CACNG2: variants seen among roughly 807,000 people sequenced by gnomAD.
CACNG2 encodes voltage-dependent calcium channel gamma-2 subunit.
A neutral mutation model predicts 25.9 loss-of-function variants in CACNG2; 3 were observed. The ratio of observed to expected loss-of-function variants is 0.12; its 90% confidence interval spans 0.05 to 0.30. The LOEUF is 0.30. CACNG2 is among the 10% of genes least tolerant of loss of function. CACNG2 has a pLI of 1.00. For synonymous variants in CACNG2, 167 were observed against 173.3 expected, an observed-to-expected ratio of 0.96 and a Z score of 0.29; for missense variants, 341 against 432.5, an observed-to-expected ratio of 0.79 and a Z score of 1.88.
intron 1 of CACNG2, among the ~76,000 whole-genome samples, chr22:36,650,396 G>C (rs1936591987): frequency 2.0e-5 from 3 of 151,926 alleles, no homozygotes; most frequent in Admixed American, 2.0e-4. Flanking sequence ...CTTGAGACGG[G>C]GTCTTGCTCT....
intron 1 of CACNG2, among the ~76,000 whole-genome samples, chr22:36,636,489 C>A (rs1182946919): frequency 6.6e-6 from 1 of 152,154 alleles, no homozygotes; most frequent in Non-Finnish European, 1.5e-5. Context: ...GATGGTGAGG[C>A]AACAGATGTT....
chr22:36,696,210 C>G (rs1420261151), intron 1 of CACNG2, among the ~76,000 whole-genome samples: 1 of 152,078 alleles, frequency 6.6e-6, no homozygotes, highest in Non-Finnish European at 1.5e-5. Flanking sequence ...GACTTGCACC[C>G]CCGGCGCTTT....
At chr22:36,615,138 A>G (rs971713357) in intron 1 of CACNG2, among the ~76,000 whole-genome samples, 17 of 152,250 alleles carry the variant, frequency 1.1e-4, no homozygotes, top group African/African-American at 3.9e-4. Context: ...ATGTCTGGAG[A>G]ATAAATGAAT....
chr22:36,623,013 T>G (rs1458004908), intron 1 of CACNG2, among the ~76,000 whole-genome samples: 1 of 33,596 alleles, frequency 3.0e-5, no homozygotes, highest in Non-Finnish European at 6.2e-5. Flanking sequence ...AAAACATGGG[T>G]TTTTTTTTTT....
chr22:36,638,375 C>T (rs546708334), intron 1 of CACNG2, among the ~76,000 whole-genome samples: 1 of 152,304 alleles, frequency 6.6e-6, no homozygotes, highest in African/African-American at 2.4e-5. Flanking sequence ...CGAGGGACTG[C>T]ATCTTCTAGT....
At chr22:36,594,934 G>A (rs767113709) in intron 1 of CACNG2, among the ~76,000 whole-genome samples, 69 of 151,776 alleles carry the variant, frequency 4.5e-4, no homozygotes, top group Admixed American at 9.8e-4. Context: ...GTGTGCATGT[G>A]TGTTTGTGTG....
chr22:36,687,328 T>C (rs1297144790), intron 1 of CACNG2, among the ~76,000 whole-genome samples: 2 of 152,274 alleles, frequency 1.3e-5, no homozygotes, highest in Non-Finnish European at 2.9e-5. Flanking sequence ...CTGTTACTTA[T>C]CATCAAATCT....
chr22:36,651,379 C>T (rs758502613), intron 1 of CACNG2, among the ~76,000 whole-genome samples: 1 of 151,866 alleles, frequency 6.6e-6, no homozygotes, highest in Non-Finnish European at 1.5e-5. Context: ...CAGATGGCCA[C>T]CACCATGCCC....
At chr22:36,699,852 G>A (rs756508034) in intron 1 of CACNG2, among the ~76,000 whole-genome samples, 2 of 152,238 alleles carry the variant, frequency 1.3e-5, no homozygotes, top group Admixed American at 6.5e-5. Flanking sequence ...TTGGAGATCA[G>A]TGCAGTCTTT....
intron 1 of CACNG2, among the ~76,000 whole-genome samples, chr22:36,639,228 T>C (rs1362716404): frequency 1.3e-5 from 2 of 152,188 alleles, no homozygotes; most frequent in Non-Finnish European, 2.9e-5. Context: ...TGTTTTGATA[T>C]GAAATTGAAA....
Position 36,582,168 on chromosome 22 carries a change from G to A in CACNG2, c.295+5297C>T, listed in dbSNP as rs140787318. 1.3e-3 allele frequency among the ~76,000 whole-genome samples: 193 copies of A among 152,262 alleles called. 1 individual carries two copies. The highest frequency in any genetic ancestry group is 4.3e-3 in the African/African-American group (180 of 41,530). On this transcript the variant is annotated intron_variant, in intron 2 of 3. Transcript: ENST00000300105. The stretch of plus-strand genomic sequence containing the variant: ...CGGCTTCTGCCCTGGTCCGATTTCA[G>A]TCCCTTATGAACACAACAGCCAGAG...
intron 1 of CACNG2, among the ~76,000 whole-genome samples, chr22:36,665,669 A>C (rs1422793368): frequency 1.3e-5 from 2 of 152,252 alleles, no homozygotes; most frequent in Non-Finnish European, 1.5e-5. Flanking sequence ...CCACAGCGAG[A>C]TACCACTTCA....
chr22:36,577,700 C>T (rs576743407), intron 2 of CACNG2, among the ~76,000 whole-genome samples: 28 of 151,430 alleles, frequency 1.8e-4, no homozygotes, highest in Middle Eastern at 3.4e-3. Flanking sequence ...TAGAAACTGC[C>T]GGCCAGTGTG....
Position 36,644,294 on chromosome 22 carries a change from T to C in CACNG2, c.212-56746A>G, listed in dbSNP as rs1322741078. ...TTCTGTCATCATAAAAGCATGATCT[T>C]TGTAAGAGAAAGGAGGAGCAACAAT... is the stretch of plus-strand genomic sequence containing the variant. On this transcript the variant is annotated intron_variant, in intron 1 of 3. Transcript: ENST00000300105. Among the ~76,000 whole-genome samples the C allele has an allele frequency of 5.9e-5, 9 of 152,168 alleles. No homozygotes were observed. In the East Asian group the frequency reaches 1.7e-3, roughly 29 times the overall value.
At chr22:36,622,732 G>A (rs1057362046) in intron 1 of CACNG2, among the ~76,000 whole-genome samples, 17 of 152,280 alleles carry the variant, frequency 1.1e-4, no homozygotes, top group African/African-American at 3.6e-4. Context: ...GCTGAGGCGG[G>A]CAGATCACCT....
chr22:36,677,159 G>C (rs1937031296), intron 1 of CACNG2, among the ~76,000 whole-genome samples: 1 of 152,102 alleles, frequency 6.6e-6, no homozygotes, highest in African/African-American at 2.4e-5. Context: ...TTGAATTGCA[G>C]AGGGAACGAC....
chr22:36,590,606 C>G (rs554630459), intron 1 of CACNG2, among the ~76,000 whole-genome samples: 261 of 152,298 alleles, frequency 1.7e-3, no homozygotes, highest in African/African-American at 5.0e-3. Flanking sequence ...AGGCCACCAT[C>G]CCTGCTCCCT....
chr22:36,658,394 G>T (rs941645153), intron 1 of CACNG2, among the ~76,000 whole-genome samples: 11 of 152,214 alleles, frequency 7.2e-5, no homozygotes, highest in African/African-American at 2.4e-4. Context: ...AGGCCATGGG[G>T]CCTGGGAGAG....
intron 1 of CACNG2, among the ~76,000 whole-genome samples, chr22:36,631,243 A>G (rs1287141709): frequency 3.3e-5 from 5 of 152,114 alleles, no homozygotes; most frequent in South Asian, 4.1e-4. Context: ...AAGTTCACAG[A>G]TGGTGTTTTC....
Sources: gnomAD v4.1 joint callset for allele counts (sites outside exome capture counted in the v4.1 genomes callset) on GRCh38, gnomAD v4.1.1 for gene constraint, MANE v1.5 for transcripts, NCBI Gene and HGNC (gene_info 2026-07-23, HGNC 2026-07-21) for gene names.